The following BMPER variants were observed in gnomAD, a reference collection of about 807,000 sequenced individuals.
BMPER encodes the protein BMP-binding endothelial regulator protein.
In BMPER, 45 loss-of-function variants were observed where a neutral mutation model predicts 87.3. The observed-to-expected ratio is 0.52, with a 90% CI of 0.41 to 0.66. The LOEUF is 0.66. BMPER is among the 30% of genes least tolerant of loss of function. BMPER has a pLI of 0.00. For missense variants in BMPER, 784 were observed against 867.5 expected, an observed-to-expected ratio of 0.90 and a Z score of 1.21; for synonymous variants, 326 against 316.2, an observed-to-expected ratio of 1.03 and a Z score of -0.33.
At chr7:34,084,042 G>A (rs533659899) in intron 12 of BMPER, among the ~76,000 whole-genome samples, 5 of 149,000 alleles carry the variant, frequency 3.4e-5, no homozygotes, top group East Asian at 2.0e-4. Flanking sequence ...AGTGGCTCAC[G>A]CCTGTAATCC....
intron 2 of BMPER, among the ~76,000 whole-genome samples, chr7:33,932,374 C>G (rs943407331): frequency 6.6e-6 from 1 of 152,208 alleles, no homozygotes; most frequent in Non-Finnish European, 1.5e-5. Flanking sequence ...GAAAAAAATA[C>G]CACAACCTCA....
intron 3 of BMPER, among the ~76,000 whole-genome samples, chr7:33,941,452 T>C (rs953369321): frequency 3.0e-4 from 46 of 152,070 alleles, no homozygotes; most frequent in African/African-American, 1.1e-3. Flanking sequence ...TCACACTTTG[T>C]TTCTATTATT....
At chr7:34,150,981 C>G (rs1004806350) in intron 14 of BMPER, among the ~76,000 whole-genome samples, 19 of 152,122 alleles carry the variant, frequency 1.2e-4, no homozygotes, top group Non-Finnish European at 2.2e-4. Flanking sequence ...CCCATCCACA[C>G]AGAAGAGGTG....
intron 6 of BMPER, among the ~76,000 whole-genome samples, chr7:33,975,744 G>C (rs1785670472): frequency 1.3e-5 from 2 of 152,096 alleles, no homozygotes; most frequent in Admixed American, 6.5e-5. Flanking sequence ...AAAATACATG[G>C]GGAACTCTAG....
chr7:34,072,934 C>A (rs1191136554), intron 11 of BMPER, among the ~76,000 whole-genome samples: 2 of 152,120 alleles, frequency 1.3e-5, no homozygotes, highest in Non-Finnish European at 2.9e-5. Context: ...GACATAGTTC[C>A]CCCATAATGT....
In BMPER at chr7:34,154,649, C is replaced by G. The variant is rs566412889; in HGVS notation, c.*1376C>G. 1 of 152,194 alleles carries G rather than the reference C, an allele frequency of 6.6e-6. No homozygotes were observed. The highest frequency in any genetic ancestry group is 1.5e-5 in the Non-Finnish European group (1 of 68,020). The allele number at this position is 152,194 out of a possible 1,614,324, so 9.4% of individuals were successfully genotyped here. ...TATTATTAATAGACAAAAGCAAACCCACGTTTTTGACAAGCCAGCATATTG... is the reference window on the plus strand; with the variant it reads ...TATTATTAATAGACAAAAGCAAACCGACGTTTTTGACAAGCCAGCATATTG... On this transcript the variant is annotated 3_prime_UTR_variant, in exon 15 of 15. Coordinates refer to ENST00000649409, the MANE Select transcript of BMPER (RefSeq NM_001365308.1).
chr7:34,150,399 A>G (rs1232583337), intron 14 of BMPER, among the ~76,000 whole-genome samples: 1 of 152,032 alleles, frequency 6.6e-6, no homozygotes, highest in Non-Finnish European at 1.5e-5. Flanking sequence ...TCCTGATCCC[A>G]CCTTGAGGTG....
At chr7:34,082,519 G>A (rs986222965) in intron 12 of BMPER, among the ~76,000 whole-genome samples, 6 of 151,994 alleles carry the variant, frequency 3.9e-5, no homozygotes, top group Non-Finnish European at 7.4e-5. Flanking sequence ...TCTTCTTAAT[G>A]TAATAATGGC....
intron 11 of BMPER, chr7:34,067,238 G>C (rs1463958491): frequency 6.6e-6 from 1 of 152,170 alleles, no homozygotes; most frequent in African/African-American, 2.4e-5. Flanking sequence ...TGGTGTGCCT[G>C]CTCTCCTAGG....
At chr7:34,050,533 C>T (rs1788122820) in intron 7 of BMPER, among the ~76,000 whole-genome samples, 1 of 152,148 alleles carries the variant, frequency 6.6e-6, no homozygotes, top group African/African-American at 2.4e-5. Context: ...GTTATTCCAA[C>T]AACTCTAATT....
chr7:34,140,218 G>A lies in BMPER; in HGVS notation c.1746-3012G>A, dbSNP rs188315631. ...CTCATAGCCCATTGCCATGTGGACTGGAGGAGACATTCCCTGAAAAACACT... is the reference window on the plus strand; with the variant it reads ...CTCATAGCCCATTGCCATGTGGACTAGAGGAGACATTCCCTGAAAAACACT... On this transcript the variant is annotated intron_variant, in intron 13 of 14. Transcript: ENST00000649409. Among the ~76,000 whole-genome samples, 404 of 152,294 alleles carry A rather than the reference G, an allele frequency of 2.7e-3. 4 individuals carry two copies. The highest frequency in any genetic ancestry group is 0.017 in the Middle Eastern group (5 of 294).
At chr7:33,947,719 C>A (rs1338779854) in intron 3 of BMPER, among the ~76,000 whole-genome samples, 1 of 152,034 alleles carries the variant, frequency 6.6e-6, no homozygotes, top group East Asian at 1.9e-4. Flanking sequence ...CAATTACTGA[C>A]CAATGTAAAG....
chr7:34,137,435 C>T (rs1466597986), intron 13 of BMPER, among the ~76,000 whole-genome samples: 2 of 152,252 alleles, frequency 1.3e-5, no homozygotes, highest in African/African-American at 2.4e-5. Context: ...TGAGGTTACT[C>T]TCTTTCACTC....
intron 11 of BMPER, among the ~76,000 whole-genome samples, chr7:34,074,934 C>G (rs1788825005): frequency 6.6e-6 from 1 of 152,026 alleles, no homozygotes; most frequent in African/African-American, 2.4e-5. Context: ...ATGCTTTTTC[C>G]CCCTTCCTTA....
chr7:33,949,555 T>G (rs574895783), intron 3 of BMPER, among the ~76,000 whole-genome samples: 1 of 152,210 alleles, frequency 6.6e-6, no homozygotes, highest in East Asian at 1.9e-4. Context: ...CTTTGGAGAT[T>G]GCATTCCCTC....
chr7:33,944,732 C>T (rs1325434084), intron 3 of BMPER, among the ~76,000 whole-genome samples: 5 of 152,082 alleles, frequency 3.3e-5, no homozygotes, highest in African/African-American at 4.8e-5. Context: ...TACTTATCTA[C>T]GTGAGCTACT....
rs1791225853 is a variant in BMPER at position 34,153,159 on chromosome 7, C to G, written c.1944C>G (p.Asn648Lys). ...CGPGCIKTCD[N>K]WNEIGPCNKP... is the part of the protein sequence containing the mutation. Reference sequence around the variant, plus strand: ...CGGGATGTATCAAGACGTGTGACAACTGGAATGAAATTGGTCCATGCAACA... The same window carrying G: ...CGGGATGTATCAAGACGTGTGACAAGTGGAATGAAATTGGTCCATGCAACA... The change falls in exon 15 of 15, where the codon AAC (asparagine) becomes AAG (lysine). Residue 648 changes from asparagine (N) to lysine (K), a missense_variant. Coordinates refer to ENST00000649409, the MANE Select transcript of BMPER (RefSeq NM_001365308.1). 6.2e-7 allele frequency: 1 copy of G among 1,614,100 alleles called. No individual in the cohort carries two copies. Among genetic ancestry groups the G allele is most frequent in the East Asian group, 2.2e-5 (1 of 44,880 alleles).
Position 33,906,867 on chromosome 7 carries a change from T to G in BMPER, c.183T>G (p.Phe61Leu), listed in dbSNP as rs972722211. 1.9e-5 allele frequency: 30 copies of G among 1,613,850 alleles called. No individual in the cohort carries two copies. In the Admixed American group the frequency reaches 5.0e-4, roughly 27 times the overall value. Residue 61 changes from phenylalanine to leucine, a missense_variant, in exon 2 of 15, where the codon TTT becomes TTG. Phe to Leu is a conservative substitution (Grantham distance 22). Transcript: ENST00000649409. Reference protein sequence around the residue: ...ENEGEVLQIPFITDNPCIMCV... With the variant: ...ENEGEVLQIPLITDNPCIMCV... ...AAGGTGAAGTCCTCCAGATTCCATTTATCACAGACAACCCTTGCATAATGT... is the reference window on the plus strand; with the variant it reads ...AAGGTGAAGTCCTCCAGATTCCATTGATCACAGACAACCCTTGCATAATGT...
chr7:33,978,199 A>G (rs1281100770), intron 6 of BMPER, among the ~76,000 whole-genome samples: 1 of 152,204 alleles, frequency 6.6e-6, no homozygotes, highest in Non-Finnish European at 1.5e-5. Flanking sequence ...CCCGCCATGT[A>G]AGGACACAGT....
Sources: gnomAD v4.1 joint callset for allele counts (sites outside exome capture counted in the v4.1 genomes callset) on GRCh38, gnomAD v4.1.1 for gene constraint, MANE v1.5 for transcripts, NCBI Gene and HGNC (gene_info 2026-07-23, HGNC 2026-07-21) for gene names.